The following EOGT variants were observed in gnomAD, a reference collection of about 807,000 sequenced individuals.
The protein encoded by EOGT is EGF domain specific O-linked N-acetylglucosamine transferase.
EOGT carries 55 observed loss-of-function variants against 70.5 expected under a neutral mutation model. The observed-to-expected ratio is 0.78, with a 90% CI of 0.63 to 0.98. The LOEUF is 0.98. Ranked by LOEUF, EOGT falls within the 50% of genes least tolerant of loss-of-function variation. The pLI is 0.00. For synonymous variants in EOGT, 246 were observed against 217.1 expected, an observed-to-expected ratio of 1.13 and a Z score of -1.17; for missense variants, 703 against 641.9, an observed-to-expected ratio of 1.10 and a Z score of -1.03.
In EOGT at chr3:69,009,756, C is replaced by T. The variant is rs867897541; in HGVS notation, c.91G>A (p.Gly31Ser). 1.9e-6 allele frequency: 3 copies of T among 1,614,040 alleles called. No homozygotes were observed. The African/African-American group carries it at 4.0e-5, about 22-fold the overall frequency. ...EAPPNTHSIP[G>S]EPLYNYASIR... is the part of the protein sequence containing the mutation. ...CTGGCATAGTTATACAGAGGTTCGC[C>T]TGGAATGCTGTGAGTATTAGGAGGA... The change falls in exon 4 of 18, where the codon GGC becomes AGC. Residue 31 changes from glycine (G) to serine (S), a missense_variant. Gly to Ser is a moderately conservative substitution (Grantham distance 56, BLOSUM62 0). Coordinates refer to ENST00000383701, the MANE Select transcript of EOGT (RefSeq NM_001278689.2).
chr3:68,989,124 C>CCTA, intron 10 of EOGT, 107 bp from the exon 11 acceptor site: 1 of 586,278 alleles, frequency 1.7e-6, no homozygotes, highest in Admixed American at 3.6e-5. Flanking sequence ...AACTAACAAT[C>CCTA]CTACGCAAGT....
chr3:68,983,182 A>C (rs1039997267), intron 14 of EOGT, among the ~76,000 whole-genome samples: 1 of 152,172 alleles, frequency 6.6e-6, no homozygotes, highest in African/African-American at 2.4e-5. Flanking sequence ...TAGGCACAGA[A>C]ATAGCTAACC....
rs1231690678 is a variant in EOGT, at chr3:69,000,958, T to A, written c.727+650A>T. Among the ~76,000 whole-genome samples the A allele has an allele frequency of 2.8e-5, 4 of 141,396 alleles. No homozygotes were observed. In the East Asian group the frequency reaches 8.2e-4, roughly 29 times the overall value. 92.8% of individuals were successfully genotyped at this position (141,396 alleles called of 152,430 possible). A position where few individuals can be genotyped will look rare whatever the true frequency, so the allele number is the denominator to read the frequency against. On this transcript the variant is annotated intron_variant, in intron 9 of 17. Transcript: ENST00000383701. ...CCCATACTATACACATGGCTTTTGA[T>A]TTTTTTTTTTTTTTTTTAAGACGGA...
chr3:68,990,848 T>A (rs1272955974), intron 10 of EOGT, among the ~76,000 whole-genome samples: 3 of 151,994 alleles, frequency 2.0e-5, no homozygotes, highest in African/African-American at 7.3e-5. Flanking sequence ...TTTTGAAAAT[T>A]TTATGTTGCA....
Position 68,988,957 on chromosome 3 carries a change from C to A in EOGT, c.892G>T (p.Val298Phe). 6.5e-7 allele frequency: 1 copy of A among 1,530,298 alleles called. No homozygotes were observed. The highest frequency in any genetic ancestry group is 8.7e-7 in the Non-Finnish European group (1 of 1,143,900). 94.8% of individuals were successfully genotyped at this position (1,530,298 alleles called of 1,614,324 possible). ...GAATCATAAGTTTTCAAATGTATAA[C>A]GTCATAATCAGTAAATGCATTCCAT... Reference protein sequence around the residue: ...DTWNAFTDYDVIHLKTYDSKR... With the variant: ...DTWNAFTDYDFIHLKTYDSKR... Residue 298 changes from valine to phenylalanine, a missense_variant, in exon 11 of 18, where the codon GTT becomes TTT. Val to Phe is a conservative substitution (Grantham distance 50). Transcript: ENST00000383701.
intron 15 of EOGT, 73 bp downstream of exon 15, chr3:68,982,738 A>C (rs1252731062): frequency 8.9e-7 from 1 of 1,123,572 alleles, no homozygotes; most frequent in African/African-American, 1.6e-5. Flanking sequence ...CCCACTGGAA[A>C]AATGCTTTCT....
rs538383586 is a variant in EOGT, at chr3:69,011,569, T to C, written c.-15+367A>G. 5.3e-5 allele frequency among the ~76,000 whole-genome samples: 7 copies of C among 132,794 alleles called. No individual in the cohort carries two copies. In the East Asian group the frequency reaches 1.3e-3, roughly 24 times the overall value. The allele number at this position is 132,794 out of a possible 152,430, so 87.1% of individuals were successfully genotyped here. A position where few individuals can be genotyped will look rare whatever the true frequency, so the allele number is the denominator to read the frequency against. ...GTGATCTCGCCACTGCACTCCAGCCTGGGTAATGCGAGGGAGACTCTGTCT... is the reference window on the plus strand; with the variant it reads ...GTGATCTCGCCACTGCACTCCAGCCCGGGTAATGCGAGGGAGACTCTGTCT... On this transcript the variant is annotated intron_variant, in intron 3 of 17. Transcript: ENST00000383701.
intron 14 of EOGT, among the ~76,000 whole-genome samples, chr3:68,985,480 C>T (rs2090778593): frequency 6.6e-6 from 1 of 152,186 alleles, no homozygotes; most frequent in South Asian, 2.1e-4. Context: ...TTTCCTCTTA[C>T]TGAATATTTT....
At chr3:69,008,293 A>G in intron 5 of EOGT, 135 bp downstream of exon 5, 1 of 685,196 alleles carries the variant, frequency 1.5e-6, no homozygotes, top group Non-Finnish European at 2.6e-6. Context: ...AGTTGAATTC[A>G]TGACTGTGCA....
chr3:68,977,896 G>C, intron 17 of EOGT, 132 bp from the exon 18 acceptor site: 1 of 837,060 alleles, frequency 1.2e-6, no homozygotes, highest in Non-Finnish European at 1.8e-6. Context: ...AACTTTTCCT[G>C]ATAAGGGCCA....
At chr3:68,978,145 A>G (rs2090524765) in intron 17 of EOGT, among the ~76,000 whole-genome samples, 188 bp downstream of exon 17, 1 of 152,242 alleles carries the variant, frequency 6.6e-6, no homozygotes, top group Non-Finnish European at 1.5e-5. Flanking sequence ...CCTTTGTAAC[A>G]TTAAAGATAT....
rs765392151 is a variant in EOGT at position 69,007,792 on chromosome 3, A to G, written c.341T>C (p.Ile114Thr). 1 of 1,612,780 alleles carries G rather than the reference A, an allele frequency of 6.2e-7. No individual in the cohort carries two copies. The highest frequency in any genetic ancestry group is 8.5e-7 in the Non-Finnish European group (1 of 1,179,116). Reference protein sequence around the residue: ...WTDTLESAEDIFWKQADFGYA... With the variant: ...WTDTLESAEDTFWKQADFGYA... ...TCCAAAGTCAGCTTGTTTCCAAAAT[A>G]TGTCCTCAGCTGACTCAAGAGTGTC... Residue 114 changes from isoleucine (I) to threonine (T), a missense_variant, in exon 6 of 18, where the codon ATA becomes ACA. Physicochemically the swap from Ile to Thr is moderately conservative, Grantham distance 89. Coordinates refer to ENST00000383701, the MANE Select transcript of EOGT (RefSeq NM_001278689.2).
At chr3:69,002,831 A>G (rs929716091) in intron 8 of EOGT, among the ~76,000 whole-genome samples, 1 of 151,682 alleles carries the variant, frequency 6.6e-6, no homozygotes, top group Non-Finnish European at 1.5e-5. Flanking sequence ...ATTTATTTTT[A>G]TTTTTTATTT....
At chr3:68,996,607 A>G (rs975431830) in intron 10 of EOGT, among the ~76,000 whole-genome samples, 1 of 152,176 alleles carries the variant, frequency 6.6e-6, no homozygotes, top group African/African-American at 2.4e-5. Context: ...ACAGGATATG[A>G]GGCTCCTAAG....
intron 10 of EOGT, 31 bp from the exon 11 acceptor site, chr3:68,989,048 G>A (rs892032976): frequency 7.8e-7 from 1 of 1,282,834 alleles, no homozygotes; most frequent in South Asian, 1.4e-5. Flanking sequence ...AGGTTTTAGG[G>A]CAATAAAAGG....
chr3:68,975,501 C>T lies in EOGT; in HGVS notation c.*2117G>A, dbSNP rs765031722. On this transcript the variant is annotated 3_prime_UTR_variant, in exon 18 of 18. Transcript: ENST00000383701. The stretch of plus-strand genomic sequence containing the variant: ...GTCTATAGTATCCCATTTTCACATG[C>T]TTCTTAAAATGAGGTAAGAAGACAA... The T allele has an allele frequency of 2.0e-5, 3 of 152,050 alleles. No homozygotes were observed. The highest frequency in any genetic ancestry group is 3.0e-5 in the Non-Finnish European group (2 of 67,786). The allele number at this position is 152,050 out of a possible 1,614,324, so 9.4% of individuals were successfully genotyped here. A position where few individuals can be genotyped will look rare whatever the true frequency, so the allele number is the denominator to read the frequency against.
At chr3:69,006,871 C>G (rs1397782371) in intron 6 of EOGT, among the ~76,000 whole-genome samples, 2 of 152,182 alleles carry the variant, frequency 1.3e-5, no homozygotes, top group African/African-American at 4.8e-5. Context: ...GGTAGCTGTG[C>G]AGTCTTGGAG....
Position 69,012,672 on chromosome 3 carries a change from G to C in EOGT, c.-228C>G, listed in dbSNP as rs918926747. The C allele has an allele frequency of 2.6e-5, 4 of 152,524 alleles. No homozygotes were observed. The highest frequency in any genetic ancestry group is 7.2e-5 in the African/African-American group (3 of 41,472). The allele number at this position is 152,524 out of a possible 1,614,324, so 9.4% of individuals were successfully genotyped here. A position where few individuals can be genotyped will look rare whatever the true frequency, so the allele number is the denominator to read the frequency against. ...CTTCCTGGTGTCGGTCGTCCTGCAA[G>C]GCCCGCCGGGATGGGTGGCTGCACT... On this transcript the variant is annotated 5_prime_UTR_variant, in exon 2 of 18. Coordinates refer to ENST00000383701, the MANE Select transcript of EOGT (RefSeq NM_001278689.2).
At chr3:68,977,913 A>G in intron 17 of EOGT, 149 bp from the exon 18 acceptor site, 1 of 764,038 alleles carries the variant, frequency 1.3e-6, no homozygotes, top group Non-Finnish European at 2.1e-6. Flanking sequence ...GCCAGATGAT[A>G]AATATTTTCA....
Sources: gnomAD v4.1 joint callset for allele counts (sites outside exome capture counted in the v4.1 genomes callset) on GRCh38, gnomAD v4.1.1 for gene constraint, MANE v1.5 for transcripts, NCBI Gene and HGNC (gene_info 2026-07-23, HGNC 2026-07-21) for gene names.